The following PPARGC1A variants were observed in gnomAD, a reference collection of about 807,000 sequenced individuals.
The protein encoded by PPARGC1A is peroxisome proliferator-activated receptor gamma coactivator 1-alpha.
Under a neutral mutation model 88.7 loss-of-function variants are expected in PPARGC1A, and 25 were observed. The ratio of observed to expected loss-of-function variants is 0.28; its 90% CI spans 0.21 to 0.39. PPARGC1A has a LOEUF of 0.39. PPARGC1A is among the 10% of genes least tolerant of loss of function. The probability of loss-of-function intolerance (pLI) is 1.00; values close to 1 mark genes in which losing one functional copy is unlikely to be tolerated. For synonymous variants in PPARGC1A, 363 were observed against 355.6 expected (o/e 1.02, Z -0.24); for missense variants, 880 against 968.7 (o/e 0.91, Z 1.22).
the PPARGC1A span, among the ~76,000 whole-genome samples, chr4:24,087,784 G>T: frequency 6.6e-6 from 1 of 152,164 alleles, no homozygotes. Context: ...TTTCCAGGAT[G>T]GTTATATGCT....
At chr4:24,331,770 T>TATATAC in the PPARGC1A span, among the ~76,000 whole-genome samples, 9 of 142,372 alleles carry the variant, frequency 6.3e-5, no homozygotes, top group East Asian at 6.1e-4. Flanking sequence ...GTTTATTTTA[T>TATATAC]ATATATATAT....
the PPARGC1A span, among the ~76,000 whole-genome samples, chr4:24,132,563 C>T: frequency 6.6e-6 from 1 of 152,108 alleles, no homozygotes; most frequent in Non-Finnish European, 1.5e-5. Flanking sequence ...GCTTAGGTTA[C>T]CAAGAGAAAT....
At chr4:24,346,360 A>C in the PPARGC1A span, among the ~76,000 whole-genome samples, 3 of 152,118 alleles carry the variant, frequency 2.0e-5, no homozygotes, top group African/African-American at 7.2e-5. Context: ...GATTGGTAAC[A>C]ATTCTTCCTT....
the PPARGC1A span, among the ~76,000 whole-genome samples, chr4:24,392,561 T>C: frequency 6.6e-6 from 1 of 152,224 alleles, no homozygotes; most frequent in Non-Finnish European, 1.5e-5. Flanking sequence ...TTTTATCACC[T>C]TCCCTTCTGT....
chr4:23,884,783 T>A lies in PPARGC1A; in HGVS notation c.203A>T (p.Gln68Leu). 2 of 1,613,890 alleles carry A rather than the reference T, an allele frequency of 1.2e-6. No individual in the cohort carries two copies. Among genetic ancestry groups the A allele is most frequent in the Non-Finnish European group, 1.7e-6 (2 of 1,179,882 alleles). The change falls in exon 2 of 13, where the codon CAG becomes CTG. Residue 68 changes from glutamine (Q) to leucine (L), a missense_variant. Coordinates refer to ENST00000264867, the MANE Select transcript of PPARGC1A (RefSeq NM_013261.5). ...TATGTTTGAAGGCTCATTGTTGTAC[T>A]GATTGGATATTATTTCTGATTGGTC... is the stretch of plus-strand genomic sequence containing the variant. ...CSDQSEIISN[Q>L]YNNEPSNIFE...
the PPARGC1A span, among the ~76,000 whole-genome samples, chr4:24,323,466 T>C: frequency 6.6e-6 from 1 of 152,214 alleles, no homozygotes; most frequent in African/African-American, 2.4e-5. Context: ...ATTAACCCCA[T>C]GAGTTTCCTT....
chr4:23,822,226 G>C (rs1723133401), intron 7 of PPARGC1A, among the ~76,000 whole-genome samples: 1 of 152,070 alleles, frequency 6.6e-6, no homozygotes, highest in South Asian at 2.1e-4. Context: ...CAAATTCATT[G>C]TCATCTGAGC....
the PPARGC1A span, among the ~76,000 whole-genome samples, chr4:24,098,929 C>T: frequency 1.3e-5 from 2 of 152,014 alleles, no homozygotes; most frequent in Non-Finnish European, 2.9e-5. Context: ...AATATAAGTC[C>T]AACCAGGTGA....
At chr4:24,215,188 G>C in the PPARGC1A span, among the ~76,000 whole-genome samples, 2 of 152,180 alleles carry the variant, frequency 1.3e-5, no homozygotes, top group African/African-American at 4.8e-5. Context: ...GTCTCCCCAG[G>C]CTATACCAGG....
the PPARGC1A span, among the ~76,000 whole-genome samples, chr4:23,974,799 A>ATTTTTTTTTTTTTTTTTTTTTTTTTT: frequency 2.0e-4 from 12 of 61,126 alleles, no homozygotes; most frequent in Admixed American, 6.6e-4. Context: ...GGCCCGGCTA[A>ATTTTTTTTTTTTTTTTTTTTTTTTTT]TTTTTTTTTT....
chr4:24,335,948 T>C, the PPARGC1A span, among the ~76,000 whole-genome samples: 9 of 152,192 alleles, frequency 5.9e-5, no homozygotes, highest in African/African-American at 2.2e-4. Flanking sequence ...AATAAATACA[T>C]AAATAAAGGC....
chr4:24,247,366 C>T, the PPARGC1A span, among the ~76,000 whole-genome samples: 2 of 151,688 alleles, frequency 1.3e-5, no homozygotes, highest in African/African-American at 4.8e-5. Context: ...AATTTTTTTT[C>T]AAAAAAAGTT....
At chr4:24,229,051 C>T in the PPARGC1A span, among the ~76,000 whole-genome samples, 112 of 151,550 alleles carry the variant, frequency 7.4e-4, no homozygotes, top group African/African-American at 2.4e-3. Context: ...CTTGGCTGCA[C>T]ATTGGAATAA....
chr4:24,200,440 G>A, the PPARGC1A span, among the ~76,000 whole-genome samples: 3 of 152,014 alleles, frequency 2.0e-5, no homozygotes. Context: ...GAGCCCAGGA[G>A]GCAGAGGTTG....
the PPARGC1A span, among the ~76,000 whole-genome samples, chr4:24,062,438 T>A: frequency 2.6e-5 from 4 of 152,170 alleles, no homozygotes. Flanking sequence ...AGGAAGAGTA[T>A]AATCTGCAAG....
the PPARGC1A span, among the ~76,000 whole-genome samples, chr4:23,922,379 G>GAATTTCTA: frequency 1.3e-5 from 2 of 152,176 alleles, no homozygotes; most frequent in Non-Finnish European, 2.9e-5. Flanking sequence ...TGTGTGGTCT[G>GAATTTCTA]AATTTCTATA....
chr4:24,050,261 T>C, the PPARGC1A span, among the ~76,000 whole-genome samples: 1 of 146,326 alleles, frequency 6.8e-6, no homozygotes, highest in African/African-American at 2.5e-5. Context: ...TGTGGCATGA[T>C]CTTGGCTCAC....
chr4:24,137,133 G>C, the PPARGC1A span, among the ~76,000 whole-genome samples: 7 of 145,486 alleles, frequency 4.8e-5, no homozygotes, highest in African/African-American at 1.8e-4. Flanking sequence ...AAAAAAAAAA[G>C]TAATTAAGAT....
At chr4:24,346,306 G>T in the PPARGC1A span, among the ~76,000 whole-genome samples, 1 of 152,098 alleles carries the variant, frequency 6.6e-6, no homozygotes, top group African/African-American at 2.4e-5. Context: ...GAATGAGTTA[G>T]GGAGGGTTTT....
Sources: gnomAD v4.1 joint callset for allele counts (sites outside exome capture counted in the v4.1 genomes callset) on GRCh38, gnomAD v4.1.1 for gene constraint, MANE v1.5 for transcripts, NCBI Gene and HGNC (gene_info 2026-07-23, HGNC 2026-07-21) for gene names.